FSTL4: variants seen among roughly 807,000 people sequenced by gnomAD.
The protein encoded by FSTL4 is follistatin like 4.
Under a neutral mutation model 78.2 loss-of-function variants are expected in FSTL4, and 28 were observed. The ratio of observed to expected loss-of-function variants is 0.36; its 90% CI spans 0.27 to 0.49. The LOEUF (loss-of-function observed/expected upper bound fraction) is 0.49. FSTL4 is among the 20% of genes least tolerant of loss of function. The probability of loss-of-function intolerance (pLI) is 0.98; values close to 1 mark genes in which losing one functional copy is unlikely to be tolerated. For synonymous variants in FSTL4, 422 were observed against 440.5 expected (o/e 0.96, Z 0.53); for missense variants, 922 against 1,084.9 (o/e 0.85, Z 2.11).
the FSTL4 span, among the ~76,000 whole-genome samples, chr5:133,636,717 T>C: frequency 6.6e-6 from 1 of 152,196 alleles, no homozygotes; most frequent in Non-Finnish European, 1.5e-5. Context: ...ATTATTGTTG[T>C]TATGTCTAAA....
intron 3 of FSTL4, among the ~76,000 whole-genome samples, chr5:133,442,967 A>C (rs1757190359): frequency 6.6e-6 from 1 of 152,270 alleles, no homozygotes; most frequent in South Asian, 2.1e-4. Flanking sequence ...AAGCACAATA[A>C]GTCAAATCTG....
At chr5:133,221,905 T>TGTTTTG (rs1561626744) in intron 11 of FSTL4, among the ~76,000 whole-genome samples, 13 of 64,646 alleles carry the variant, frequency 2.0e-4, no homozygotes, top group African/African-American at 9.8e-4. Context: ...TTTTTTTTTT[T>TGTTTTG]TTTTTTTTTT....
At chr5:133,780,923 G>A in the FSTL4 span, among the ~76,000 whole-genome samples, 1 of 152,166 alleles carries the variant, frequency 6.6e-6, no homozygotes, top group Non-Finnish European at 1.5e-5. Flanking sequence ...CTCTATCCAG[G>A]AGAAAACACT....
chr5:133,297,356 A>T (rs1354821948), intron 6 of FSTL4, among the ~76,000 whole-genome samples: 1 of 151,968 alleles, frequency 6.6e-6, no homozygotes, highest in Non-Finnish European at 1.5e-5. Context: ...GGGTGCTCCC[A>T]CCTGTCCTCA....
At position 133,225,921 on chromosome 5, in the gene FSTL4, T is replaced by C; in HGVS notation, c.1016-102A>G. 1.2e-6 allele frequency: 1 copy of C among 819,494 alleles called. No individual in the cohort carries two copies. Among genetic ancestry groups the C allele is most frequent in the African/African-American group, 1.7e-5 (1 of 58,322 alleles). 50.8% of individuals were successfully genotyped at this position (819,494 alleles called of 1,614,324 possible). A position where few individuals can be genotyped will look rare whatever the true frequency, so the allele number is the denominator to read the frequency against. ...CTGCTCCAGAGGGGGTGAACCCAAG[T>C]AGGTGACTGGAGTTCTGTGTTTAAC... On this transcript the variant is annotated intron_variant, in intron 8 of 15. Coordinates refer to ENST00000265342, the MANE Select transcript of FSTL4 (RefSeq NM_015082.2). The surrounding 1 kb of genome is among the most constrained non-coding windows in gnomAD (Gnocchi z 4.6).
At chr5:133,782,235 G>C in the FSTL4 span, among the ~76,000 whole-genome samples, 22,834 of 152,292 alleles carry the variant, frequency 0.15, 1,806 homozygotes, top group East Asian at 0.31. Context: ...ACCATCCCTT[G>C]TATCAAATCG....
intron 3 of FSTL4, among the ~76,000 whole-genome samples, chr5:133,454,064 A>G (rs1757434816): frequency 6.6e-6 from 1 of 152,178 alleles, no homozygotes; most frequent in South Asian, 2.1e-4. Flanking sequence ...CAGTCTGCCC[A>G]AATATATTAC....
At chr5:133,212,782 G>A (rs1057450123) in intron 13 of FSTL4, among the ~76,000 whole-genome samples, 1 of 151,960 alleles carries the variant, frequency 6.6e-6, no homozygotes, top group Admixed American at 6.6e-5. Context: ...CATATTCTTT[G>A]TAAATCCCAA....
chr5:133,485,417 A>G (rs1758113193), intron 3 of FSTL4, among the ~76,000 whole-genome samples: 1 of 152,216 alleles, frequency 6.6e-6, no homozygotes, highest in Non-Finnish European at 1.5e-5. Context: ...AATTGGGAGG[A>G]CAGCCAGCCT....
At chr5:133,736,835 T>C in the FSTL4 span, among the ~76,000 whole-genome samples, 1 of 152,134 alleles carries the variant, frequency 6.6e-6, no homozygotes, top group African/African-American at 2.4e-5. Flanking sequence ...CTTGTCAGCG[T>C]CAGTCATAGG....
chr5:133,708,627 A>G, the FSTL4 span, among the ~76,000 whole-genome samples: 1 of 152,192 alleles, frequency 6.6e-6, no homozygotes, highest in Non-Finnish European at 1.5e-5. Flanking sequence ...GGGGACAGTC[A>G]CAACCCCGGC....
chr5:133,678,833 T>C, the FSTL4 span, among the ~76,000 whole-genome samples: 3 of 151,768 alleles, frequency 2.0e-5, no homozygotes, highest in Non-Finnish European at 2.9e-5. Flanking sequence ...CCTGGAGAAG[T>C]CAGTATTTTG....
the FSTL4 span, among the ~76,000 whole-genome samples, chr5:133,741,311 T>A: frequency 6.6e-6 from 1 of 152,230 alleles, no homozygotes; most frequent in Non-Finnish European, 1.5e-5. Context: ...AGGGCATGGT[T>A]GCAGCTGGAG....
intron 3 of FSTL4, among the ~76,000 whole-genome samples, chr5:133,460,639 C>A (rs1757573886): frequency 1.3e-5 from 2 of 152,162 alleles, no homozygotes; most frequent in South Asian, 4.2e-4. Flanking sequence ...CCCAACGCTA[C>A]CTAGGGGATC....
Position 133,338,327 on chromosome 5 carries a change from C to T in FSTL4, c.410-21675G>A, listed in dbSNP as rs983565112. Among the ~76,000 whole-genome samples, 1 of 152,118 alleles carries T rather than the reference C, an allele frequency of 6.6e-6. No individual in the cohort carries two copies. The highest frequency in any genetic ancestry group is 2.4e-5 in the African/African-American group (1 of 41,392). ...CTCTGGACTGGCTCCTGCGGGAGAA[C>T]ACAAGAGTGGCCATGGAACTGGCCT... On this transcript the variant is annotated intron_variant, in intron 4 of 15. Coordinates refer to ENST00000265342, the MANE Select transcript of FSTL4 (RefSeq NM_015082.2). This position sits in a 1 kb window ranked among gnomAD's most constrained non-coding sequence, Gnocchi z 4.0.
intron 4 of FSTL4, among the ~76,000 whole-genome samples, chr5:133,385,638 G>A (rs17685073): frequency 0.014 from 2,104 of 152,250 alleles, 20 homozygotes; most frequent in Non-Finnish European, 0.025. Flanking sequence ...CATAGTCCCC[G>A]GCTTTTTGCT....
At chr5:133,251,445 G>C (rs900143574) in intron 6 of FSTL4, among the ~76,000 whole-genome samples, 1 of 152,154 alleles carries the variant, frequency 6.6e-6, no homozygotes, top group Non-Finnish European at 1.5e-5. Context: ...AATTTTCCCA[G>C]ATAACTGAAG....
chr5:133,706,198 T>C, the FSTL4 span, among the ~76,000 whole-genome samples: 4 of 152,188 alleles, frequency 2.6e-5, no homozygotes, highest in African/African-American at 9.7e-5. Flanking sequence ...CGGGCAATAA[T>C]ACCTACTTAA....
intron 3 of FSTL4, among the ~76,000 whole-genome samples, chr5:133,524,037 C>G (rs1188056340): frequency 1.3e-5 from 2 of 152,164 alleles, no homozygotes; most frequent in African/African-American, 4.8e-5. Context: ...CTGGGAGACA[C>G]CAGATGAGAC....
Sources: gnomAD v4.1 joint callset for allele counts (sites outside exome capture counted in the v4.1 genomes callset) on GRCh38, gnomAD v4.1.1 for gene constraint, Gnocchi (gnomAD v3.1) non-coding constraint, MANE v1.5 for transcripts, NCBI Gene and HGNC (gene_info 2026-07-23, HGNC 2026-07-21) for gene names.